TRMT11: variants seen among roughly 807,000 people sequenced by gnomAD.
The protein encoded by TRMT11 is tRNA methyltransferase 11.
TRMT11 carries 53 observed loss-of-function variants against 62.8 expected under a neutral mutation model. The ratio of observed to expected loss-of-function variants is 0.84; its 90% CI spans 0.68 to 1.06. The LOEUF is 1.06. Among genes scored for constraint, TRMT11 ranks in the 50% least tolerant of loss-of-function variants. TRMT11 has a pLI of 0.00. For synonymous variants in TRMT11, 188 were observed against 190.3 expected (o/e 0.99, Z 0.10); for missense variants, 556 against 553.4 (o/e 1.00, Z -0.05).
At position 126,093,612 on chromosome 6, in the gene TRMT11, TATATATATA is replaced by T. The variant is rs1424643022; in HGVS notation, c.*1438-19253_*1438-19245del. Among the ~76,000 whole-genome samples the T allele has an allele frequency of 1.1e-3, 106 of 93,948 alleles. 5 individuals are homozygous for T. The highest frequency in any genetic ancestry group is 4.7e-3 in the African/African-American group (73 of 15,622). 61.6% of individuals were successfully genotyped at this position (93,948 alleles called of 152,430 possible). On this transcript the variant is annotated intron_variant and NMD_transcript_variant, in intron 17 of 22. Transcript: ENST00000648977. ...ATATATATATATATATATATATATA[TATATATATA>T]TATATATATATTTTCCCCCAGTCCT...
chr6:126,205,935 A>G (rs1319331102), downstream of TRMT11, among the ~76,000 whole-genome samples: 3 of 146,698 alleles, frequency 2.0e-5, no homozygotes, highest in Admixed American at 6.7e-5. Flanking sequence ...ACACACACAC[A>G]CACATGCGCG....
intron 17 of TRMT11, among the ~76,000 whole-genome samples, chr6:126,061,137 A>G (rs1339660168): frequency 6.6e-6 from 1 of 152,216 alleles, no homozygotes; most frequent in Non-Finnish European, 1.5e-5. Context: ...TGGCTATTCA[A>G]AGTGTTGGCT....
chr6:126,018,204 T>A (rs1396102089), intron 11 of TRMT11, among the ~76,000 whole-genome samples: 1 of 152,184 alleles, frequency 6.6e-6, no homozygotes, highest in African/African-American at 2.4e-5. Flanking sequence ...GACTTGGAAA[T>A]AAATTTTGAT....
At chr6:126,250,545 A>T in the TRMT11 span, among the ~76,000 whole-genome samples, 4 of 152,150 alleles carry the variant, frequency 2.6e-5, no homozygotes, top group Non-Finnish European at 5.9e-5. Context: ...TAATATCTGT[A>T]TCTTTGTTCT....
chr6:126,161,124 A>C (rs554013649), intron 21 of TRMT11, among the ~76,000 whole-genome samples: 6 of 152,296 alleles, frequency 3.9e-5, no homozygotes, highest in African/African-American at 1.4e-4. Context: ...ATACATGTGC[A>C]GAATGTGCAG....
At chr6:126,038,459 AAAG>A (rs1416062845) in intron 12 of TRMT11, among the ~76,000 whole-genome samples, 5 of 151,252 alleles carry the variant, frequency 3.3e-5, no homozygotes, top group Non-Finnish European at 7.4e-5. Context: ...AAAAAGAAAA[AAAG>A]AAATTTGTCC....
At chr6:126,106,050 G>T (rs1777460902) in intron 17 of TRMT11, among the ~76,000 whole-genome samples, 2 of 152,146 alleles carry the variant, frequency 1.3e-5, no homozygotes, top group Non-Finnish European at 2.9e-5. Context: ...TGGGCTACTG[G>T]CCATAATTGG....
At chr6:126,002,771 T>C (rs1792724531) in intron 7 of TRMT11, among the ~76,000 whole-genome samples, 1 of 152,124 alleles carries the variant, frequency 6.6e-6, no homozygotes, top group Admixed American at 6.6e-5. Flanking sequence ...CAGCCTGTTC[T>C]CCCACCTATC....
intron 21 of TRMT11, among the ~76,000 whole-genome samples, chr6:126,122,071 G>A (rs1426721585): frequency 6.6e-6 from 1 of 152,040 alleles, no homozygotes; most frequent in Non-Finnish European, 1.5e-5. Context: ...TAAGTCTCAT[G>A]AGATCTGATC....
chr6:126,071,621 G>A (rs188382786), intron 17 of TRMT11, among the ~76,000 whole-genome samples: 1 of 151,238 alleles, frequency 6.6e-6, no homozygotes, highest in East Asian at 1.9e-4. Flanking sequence ...AAGCTGGCAC[G>A]ATGATCAGCG....
intron 21 of TRMT11, among the ~76,000 whole-genome samples, chr6:126,122,959 A>G (rs1470427780): frequency 2.6e-5 from 4 of 152,118 alleles, no homozygotes; most frequent in Non-Finnish European, 5.9e-5. Context: ...GAACCTCTTA[A>G]ATAATTAAAG....
At chr6:126,139,815 C>T (rs1272563372) in intron 21 of TRMT11, among the ~76,000 whole-genome samples, 1 of 152,066 alleles carries the variant, frequency 6.6e-6, no homozygotes, top group African/African-American at 2.4e-5. Flanking sequence ...TGAACTCTAA[C>T]AATTCACAAG....
chr6:125,990,231 T>C (rs1179676134), intron 1 of TRMT11, among the ~76,000 whole-genome samples: 2 of 152,322 alleles, frequency 1.3e-5, no homozygotes, highest in South Asian at 4.1e-4. Context: ...TTTGAAAATT[T>C]ATTTGAAAAA....
At chr6:126,139,707 G>GT (rs533911472) in intron 21 of TRMT11, among the ~76,000 whole-genome samples, 1,596 of 151,888 alleles carry the variant, frequency 0.011, 18 homozygotes, top group African/African-American at 0.037. Flanking sequence ...TATCTATATA[G>GT]TTTTTTTTGA....
At chr6:126,178,866 T>C (rs551881565) in intron 1 of TRMT11, among the ~76,000 whole-genome samples, 33 of 152,234 alleles carry the variant, frequency 2.2e-4, no homozygotes, top group African/African-American at 7.0e-4. Context: ...AGGTTTTTAG[T>C]CTGGAATTTC....
chr6:126,174,956 C>T (rs1389347481), upstream of TRMT11, among the ~76,000 whole-genome samples: 1 of 152,168 alleles, frequency 6.6e-6, no homozygotes, highest in African/African-American at 2.4e-5. Flanking sequence ...AACCAAAGCT[C>T]AGAAAATGAT....
rs558582812 is a variant in TRMT11 at position 126,061,100 on chromosome 6, G to A, written c.*1437+7910G>A. On this transcript the variant is annotated intron_variant and NMD_transcript_variant, in intron 17 of 22. Transcript: ENST00000648977. ...AAGGGGAGAATCACAGATCCCCACG[G>A]GAGCAGAGTCTCAGTCCTCCTGTAC... Among the ~76,000 whole-genome samples the A allele has an allele frequency of 1.5e-4, 23 of 152,332 alleles. 1 individual carries two copies. The highest frequency in any genetic ancestry group is 1.2e-3 in the Admixed American group (19 of 15,302).
chr6:126,271,732 G>A, the TRMT11 span, among the ~76,000 whole-genome samples: 2 of 152,126 alleles, frequency 1.3e-5, no homozygotes, highest in African/African-American at 2.4e-5. Flanking sequence ...GTAAAGGGAG[G>A]ACCCGTTGTC....
At chr6:126,174,381 G>A (rs192075231), upstream of TRMT11, among the ~76,000 whole-genome samples, 20 of 152,272 alleles carry the variant, frequency 1.3e-4, 1 homozygote, top group East Asian at 2.7e-3. Context: ...TATGAATTTC[G>A]TATCTGTACT....
Sources: gnomAD v4.1 joint callset for allele counts (sites outside exome capture counted in the v4.1 genomes callset) on GRCh38, gnomAD v4.1.1 for gene constraint, MANE v1.5 for transcripts, NCBI Gene and HGNC (gene_info 2026-07-23, HGNC 2026-07-21) for gene names.